Variants in PCDH9 observed in about 807,000 individuals in gnomAD.
The protein encoded by PCDH9 is protocadherin 9, also known as protocadherin-9.
PCDH9 carries 24 observed loss-of-function variants against 70.6 expected under a neutral mutation model. That is an observed-to-expected ratio of 0.34 (90% CI 0.25 to 0.48). The LOEUF is 0.48. Among genes scored for constraint, PCDH9 ranks in the 20% least tolerant of loss-of-function variants. The probability of loss-of-function intolerance (pLI) is 0.99; values close to 1 mark genes in which losing one functional copy is unlikely to be tolerated. For missense variants in PCDH9, 1,281 were observed against 1,503.6 expected, an observed-to-expected ratio of 0.85 and a Z score of 2.45; for synonymous variants, 562 against 558.5, an observed-to-expected ratio of 1.01 and a Z score of -0.09.
intron 2 of PCDH9, among the ~76,000 whole-genome samples, chr13:67,198,034 A>T (rs2089117230): frequency 6.6e-6 from 1 of 151,582 alleles, no homozygotes; most frequent in African/African-American, 2.4e-5. Flanking sequence ...TATTAAATAT[A>T]TATTTACACT....
intron 2 of PCDH9, among the ~76,000 whole-genome samples, chr13:66,941,080 A>ATTT (rs2082999999): frequency 6.6e-6 from 1 of 151,882 alleles, no homozygotes; most frequent in Non-Finnish European, 1.5e-5. Context: ...AATAAAATAC[A>ATTT]ATTTTACTTT....
chr13:66,874,927 G>C (rs1019942646), intron 3 of PCDH9, among the ~76,000 whole-genome samples: 3 of 135,202 alleles, frequency 2.2e-5, no homozygotes, highest in African/African-American at 5.3e-5. Context: ...GTGTGTGTGT[G>C]TGTGTGTGTG....
intron 2 of PCDH9, chr13:67,224,945 AC>A (rs1355020625): frequency 1.0e-5 from 10 of 1,000,044 alleles, no homozygotes; most frequent in Non-Finnish European, 1.2e-5. Context: ...AAAAAAATTA[AC>A]CCCTTTAGCA....
At chr13:66,813,458 G>A (rs187733233) in intron 3 of PCDH9, among the ~76,000 whole-genome samples, 1 of 151,182 alleles carries the variant, frequency 6.6e-6, no homozygotes, top group Non-Finnish European at 1.5e-5. Flanking sequence ...AGAAAGGGTG[G>A]GAGGGAGGAA....
At chr13:66,634,109 G>C (rs2077607182) in intron 3 of PCDH9, among the ~76,000 whole-genome samples, 1 of 152,088 alleles carries the variant, frequency 6.6e-6, no homozygotes. Context: ...TAAATTATTT[G>C]CAATTAGACA....
chr13:67,022,006 A>C (rs1211414093), intron 2 of PCDH9, among the ~76,000 whole-genome samples: 1 of 150,112 alleles, frequency 6.7e-6, no homozygotes, highest in Non-Finnish European at 1.5e-5. Flanking sequence ...AATATGTATG[A>C]TGTGATTAAT....
chr13:66,435,681 T>C (rs1317401776), intron 4 of PCDH9, among the ~76,000 whole-genome samples: 1 of 152,218 alleles, frequency 6.6e-6, no homozygotes, highest in Non-Finnish European at 1.5e-5. Context: ...ACTAGAGATA[T>C]TGTATATATT....
intron 2 of PCDH9, among the ~76,000 whole-genome samples, chr13:66,992,466 T>C (rs2084022939): frequency 1.3e-5 from 2 of 152,188 alleles, no homozygotes; most frequent in Non-Finnish European, 2.9e-5. Context: ...ATCTAAACAA[T>C]GGTCTTCTTT....
intron 3 of PCDH9, among the ~76,000 whole-genome samples, chr13:66,752,601 C>T (rs975117311): frequency 6.6e-6 from 1 of 152,184 alleles, no homozygotes; most frequent in African/African-American, 2.4e-5. Context: ...CTGGCCACAT[C>T]TACAGCATTT....
intron 4 of PCDH9, among the ~76,000 whole-genome samples, chr13:66,473,903 A>G (rs1958668465): frequency 6.6e-6 from 1 of 152,276 alleles, no homozygotes; most frequent in South Asian, 2.1e-4. Context: ...TTATCAAACA[A>G]CACTGCCTTG....
intron 3 of PCDH9, among the ~76,000 whole-genome samples, chr13:66,783,387 T>TC (rs984198421): frequency 1.3e-5 from 2 of 152,062 alleles, no homozygotes; most frequent in African/African-American, 4.8e-5. Flanking sequence ...AAAGACTAAG[T>TC]CACCATGCCA....
rs188247130 is a variant in PCDH9 at position 66,380,790 on chromosome 13, G to A, written c.3341-75762C>T. Among the ~76,000 whole-genome samples the A allele has an allele frequency of 4.2e-3, 642 of 152,116 alleles. 3 individuals are homozygous for A. The highest frequency in any genetic ancestry group is 0.014 in the African/African-American group (600 of 41,502). ...GATCTCCTGACCTCGTGATCCACCCGCCTCGGCCTCCCAGAGTGCTGGGAT... is the reference window on the plus strand; with the variant it reads ...GATCTCCTGACCTCGTGATCCACCCACCTCGGCCTCCCAGAGTGCTGGGAT... On this transcript the variant is annotated intron_variant, in intron 4 of 4. Transcript: ENST00000377865.
intron 3 of PCDH9, among the ~76,000 whole-genome samples, chr13:66,866,781 A>G (rs1172582756): frequency 6.6e-6 from 1 of 152,214 alleles, no homozygotes; most frequent in Non-Finnish European, 1.5e-5. Flanking sequence ...TGGGAGACAG[A>G]GCGAGATTCT....
At chr13:66,604,187 C>T (rs1367941870) in intron 4 of PCDH9, among the ~76,000 whole-genome samples, 3 of 152,024 alleles carry the variant, frequency 2.0e-5, no homozygotes, top group Admixed American at 1.3e-4. Flanking sequence ...TTGACTTTGT[C>T]AGCAACTCTC....
chr13:66,761,212 C>T (rs1172848257), intron 3 of PCDH9, among the ~76,000 whole-genome samples: 1 of 152,144 alleles, frequency 6.6e-6, no homozygotes, highest in Non-Finnish European at 1.5e-5. Flanking sequence ...ATCACGGAAC[C>T]TGCTGACATG....
intron 4 of PCDH9, among the ~76,000 whole-genome samples, chr13:66,340,087 A>C (rs1318299580): frequency 6.6e-6 from 1 of 152,156 alleles, no homozygotes; most frequent in East Asian, 1.9e-4. Flanking sequence ...TCCTCAATTA[A>C]AAAATCCAGA....
At chr13:66,748,642 G>C (rs1215556445) in intron 3 of PCDH9, among the ~76,000 whole-genome samples, 1 of 152,186 alleles carries the variant, frequency 6.6e-6, no homozygotes, top group Non-Finnish European at 1.5e-5. Flanking sequence ...GCTCTTGAGA[G>C]CTTAGGAAAG....
chr13:66,318,093 A>G (rs1024106364), intron 4 of PCDH9, among the ~76,000 whole-genome samples: 11 of 152,138 alleles, frequency 7.2e-5, no homozygotes, highest in African/African-American at 2.7e-4. Flanking sequence ...TCTCAGGGTG[A>G]TACATAGGAG....
At chr13:66,806,556 A>G (rs2080413353) in intron 3 of PCDH9, among the ~76,000 whole-genome samples, 2 of 152,180 alleles carry the variant, frequency 1.3e-5, no homozygotes, top group African/African-American at 2.4e-5. Flanking sequence ...CCAACTCTAC[A>G]GTTTCTACAG....
Sources: allele counts gnomAD v4.1 joint callset (sites outside exome capture counted in the v4.1 genomes callset), GRCh38; gene constraint gnomAD v4.1.1; transcripts MANE v1.5; gene names NCBI Gene and HGNC (gene_info 2026-07-23, HGNC 2026-07-21).